CIT: variants seen among roughly 807,000 people sequenced by gnomAD.
The protein encoded by CIT is citron Rho-interacting kinase.
CIT carries 79 observed loss-of-function variants against 272.7 expected under a neutral mutation model. That is an observed-to-expected ratio of 0.29 (90% CI 0.24 to 0.35). The LOEUF is 0.35. Among genes scored for constraint, CIT ranks in the 10% least tolerant of loss-of-function variants. The pLI is 1.00. For missense variants in CIT, 1,909 were observed against 2,618.3 expected (o/e 0.73, Z 5.91); for synonymous variants, 948 against 995.6 (o/e 0.95, Z 0.90).
rs138717166 is a variant in CIT, at chr12:119,767,972, C to G, written c.2209-790G>C. Among the ~76,000 whole-genome samples the G allele has an allele frequency of 2.7e-5, 4 of 149,744 alleles. No individual in the cohort carries two copies. The East Asian group carries it at 7.9e-4, about 29-fold the overall frequency. On this transcript the variant is annotated intron_variant, in intron 18 of 47. Transcript: ENST00000392521. ...TGTTGCCCAGGCTAGAGTGCACTGG[C>G]GCGATCTTGGCTCACTGCAACTTTC... is the stretch of plus-strand genomic sequence containing the variant.
intron 32 of CIT, among the ~76,000 whole-genome samples, chr12:119,715,519 A>T (rs1957410511): frequency 6.6e-6 from 1 of 152,088 alleles, no homozygotes; most frequent in African/African-American, 2.4e-5. Flanking sequence ...GTTGCTAAGA[A>T]GAACATTAGT....
At chr12:119,735,097 A>T in intron 25 of CIT, 63 bp downstream of exon 25, 1 of 1,522,574 alleles carries the variant, frequency 6.6e-7, no homozygotes, top group Non-Finnish European at 9.1e-7. Flanking sequence ...GAACGCACCA[A>T]GCACTCCTAA....
chr12:119,875,923 G>C lies in CIT; in HGVS notation c.96+150C>G. On this transcript the variant is annotated intron_variant, in intron 2 of 47. Coordinates refer to ENST00000392521, the MANE Select transcript of CIT (RefSeq NM_001206999.2). The stretch of plus-strand genomic sequence containing the variant: ...GAATCGCTTGAACCCAGGAGGCGGA[G>C]GTTGCAGTGAGCTGAGATTGCACCA... 9.2e-6 allele frequency: 5 copies of C among 541,544 alleles called. No individual in the cohort carries two copies. The South Asian group carries it at 1.2e-4, about 13-fold the overall frequency. The allele number at this position is 541,544 out of a possible 1,614,324, so 33.5% of individuals were successfully genotyped here.
chr12:119,799,840 A>C (rs1335270223), intron 10 of CIT, among the ~76,000 whole-genome samples: 1 of 111,312 alleles, frequency 9.0e-6, no homozygotes, highest in Non-Finnish European at 1.9e-5. Context: ...AAACTTTATG[A>C]GTTTTTTTTT....
At chr12:119,857,732 T>C (rs1014990077) in intron 3 of CIT, 34 bp from the exon 4 acceptor site, 2 of 1,532,296 alleles carry the variant, frequency 1.3e-6, no homozygotes, top group Non-Finnish European at 1.8e-6. Context: ...CCCAGGTAAA[T>C]AAAGCATGCA....
At chr12:119,750,613 C>G (rs557448303) in intron 23 of CIT, among the ~76,000 whole-genome samples, 81 of 151,988 alleles carry the variant, frequency 5.3e-4, no homozygotes, top group Non-Finnish European at 1.0e-3. Context: ...CTGGAAGCCA[C>G]TAAACCTTGG....
intron 29 of CIT, 102 bp downstream of exon 29, chr12:119,721,207 T>G: frequency 9.8e-7 from 1 of 1,023,270 alleles, no homozygotes; most frequent in Non-Finnish European, 1.4e-6. Flanking sequence ...CCTCAAGTAA[T>G]CTGCCCTCCT....
intron 32 of CIT, among the ~76,000 whole-genome samples, chr12:119,716,814 G>A (rs1957514175): frequency 1.3e-5 from 2 of 152,300 alleles, no homozygotes; most frequent in African/African-American, 4.8e-5. Context: ...GGTGTTTACA[G>A]TAACAGGGGA....
intron 16 of CIT, among the ~76,000 whole-genome samples, chr12:119,774,360 C>T (rs976971292): frequency 5.9e-5 from 9 of 151,968 alleles, no homozygotes; most frequent in African/African-American, 2.2e-4. Context: ...AGCCAGCAAA[C>T]ACATTCACAA....
chr12:119,842,320 T>C (rs1295518064), intron 5 of CIT, among the ~76,000 whole-genome samples: 1 of 132,872 alleles, frequency 7.5e-6, no homozygotes, highest in South Asian at 2.3e-4. Flanking sequence ...ACCCAGGAGG[T>C]AGAGGTTGCA....
At chr12:119,707,742 C>T (rs1403687736) in intron 40 of CIT, among the ~76,000 whole-genome samples, 1 of 152,088 alleles carries the variant, frequency 6.6e-6, no homozygotes, top group African/African-American at 2.4e-5. Flanking sequence ...CCTCGTGATC[C>T]ACCTGCCTCG....
intron 8 of CIT, among the ~76,000 whole-genome samples, chr12:119,824,615 CAT>C: frequency 6.6e-6 from 1 of 152,282 alleles, no homozygotes. Flanking sequence ...AGTTAAGTGC[CAT>C]ATAAGTATTT....
At chr12:119,800,134 T>C (rs1440578061) in intron 10 of CIT, among the ~76,000 whole-genome samples, 2 of 152,094 alleles carry the variant, frequency 1.3e-5, no homozygotes, top group Non-Finnish European at 2.9e-5. Context: ...ACTACCCTAC[T>C]ATTGTCAAGT....
At chr12:119,735,016 G>T (rs1958675809) in intron 25 of CIT, 144 bp downstream of exon 25, 3 of 751,682 alleles carry the variant, frequency 4.0e-6, no homozygotes, top group Non-Finnish European at 6.6e-6. Context: ...AACCCTAAAG[G>T]CTTGGAAAAA....
At chr12:119,704,948 T>G (rs188090730) in intron 40 of CIT, among the ~76,000 whole-genome samples, 4 of 152,332 alleles carry the variant, frequency 2.6e-5, no homozygotes, top group African/African-American at 9.6e-5. Context: ...AGTCTCACTC[T>G]GTCGCCCAGG....
Position 119,804,092 on chromosome 12 carries a change from C to T in CIT, c.1112-703G>A, listed in dbSNP as rs1481659879. On this transcript the variant is annotated intron_variant, in intron 9 of 47. Transcript: ENST00000392521. This position sits in a 1 kb window ranked among gnomAD's most constrained non-coding sequence, Gnocchi z 5.3. ...AATGAAGCACCAGCCAAATAAAGTTCCTACCGGTGATCTACAGCACCCCTG... is the reference window on the plus strand; with the variant it reads ...AATGAAGCACCAGCCAAATAAAGTTTCTACCGGTGATCTACAGCACCCCTG... The T allele has an allele frequency of 4.6e-5, 40 of 868,974 alleles. No individual in the cohort carries two copies. The highest frequency in any genetic ancestry group is 5.5e-5 in the Non-Finnish European group (40 of 723,886). 53.8% of individuals were successfully genotyped at this position (868,974 alleles called of 1,614,324 possible). A position where few individuals can be genotyped will look rare whatever the true frequency, so the allele number is the denominator to read the frequency against.
intron 5 of CIT, among the ~76,000 whole-genome samples, chr12:119,840,544 T>A (rs1969341019): frequency 1.3e-5 from 2 of 152,144 alleles, no homozygotes; most frequent in Admixed American, 1.3e-4. Context: ...AAGGCAACAA[T>A]ACACTCAGCA....
At chr12:119,858,856 T>G (rs765539208) in intron 3 of CIT, among the ~76,000 whole-genome samples, 2 of 151,974 alleles carry the variant, frequency 1.3e-5, no homozygotes, top group Non-Finnish European at 2.9e-5. Flanking sequence ...CAGAAGGGCT[T>G]AGCACTCAGA....
At chr12:119,835,753 A>G (rs897631747) in intron 5 of CIT, among the ~76,000 whole-genome samples, 1 of 152,186 alleles carries the variant, frequency 6.6e-6, no homozygotes. Flanking sequence ...GCATCTGCAC[A>G]GAGCCCCAAA....
Sources: allele counts gnomAD v4.1 joint callset (sites outside exome capture counted in the v4.1 genomes callset), GRCh38; gene constraint gnomAD v4.1.1; non-coding constraint Gnocchi (gnomAD v3.1); transcripts MANE v1.5; gene names NCBI Gene and HGNC (gene_info 2026-07-23, HGNC 2026-07-21).